Variants in RCAN1 observed in about 807,000 individuals in gnomAD.
RCAN1 encodes calcipressin-1.
A neutral mutation model predicts 22.9 loss-of-function variants in RCAN1; 11 were observed. The ratio of observed to expected loss-of-function variants is 0.48; its 90% confidence interval spans 0.30 to 0.79. The LOEUF is 0.79. Ranked by LOEUF, RCAN1 falls within the 30% of genes least tolerant of loss-of-function variation. The probability of loss-of-function intolerance (pLI) is 0.06; values close to 1 mark genes in which losing one functional copy is unlikely to be tolerated. For synonymous variants in RCAN1, 136 were observed against 142.3 expected (o/e 0.96, Z 0.32); for missense variants, 291 against 337.8 (o/e 0.86, Z 1.09).
At chr21:34,543,302 T>C (rs1985998790) in intron 1 of RCAN1, among the ~76,000 whole-genome samples, 1 of 152,120 alleles carries the variant, frequency 6.6e-6, no homozygotes, top group Non-Finnish European at 1.5e-5. Context: ...CCCAGTGTAA[T>C]CAAGGTGTCT....
At chr21:34,527,050 A>G in intron 1 of RCAN1, 1 of 1,030,412 alleles carries the variant, frequency 9.7e-7, no homozygotes, top group South Asian at 2.7e-5. Context: ...CTTGGGGAGA[A>G]TGGAAAAAAC....
intron 1 of RCAN1, among the ~76,000 whole-genome samples, chr21:34,543,335 C>G (rs9636876): frequency 6.6e-6 from 1 of 151,950 alleles, no homozygotes; most frequent in Non-Finnish European, 1.5e-5. Flanking sequence ...TATGGCAGGG[C>G]TGGAGTCGGA....
rs1315947258 is a variant in RCAN1, at chr21:34,518,752, T to C, written c.587-496A>G. On this transcript the variant is annotated intron_variant, in intron 3 of 3. Coordinates refer to ENST00000313806, the MANE Select transcript of RCAN1 (RefSeq NM_004414.7). This position sits in a 1 kb window ranked among gnomAD's most constrained non-coding sequence, Gnocchi z 4.2. ...GCCCTGCAGCAGACGCAGGGGTGGC[T>C]GCACGGAGCCAGGTGCTCTGGAAAC... 6.6e-6 allele frequency among the ~76,000 whole-genome samples: 1 copy of C among 152,228 alleles called. No individual in the cohort carries two copies. Among genetic ancestry groups the C allele is most frequent in the Non-Finnish European group, 1.5e-5 (1 of 68,038 alleles).
intron 1 of RCAN1, among the ~76,000 whole-genome samples, chr21:34,604,588 G>A (rs1272313556): frequency 6.6e-6 from 1 of 152,258 alleles, no homozygotes; most frequent in Non-Finnish European, 1.5e-5. Context: ...GTGTAAGCCA[G>A]AGAAGCTGTG....
chr21:34,546,668 G>A (rs952198133), intron 1 of RCAN1, among the ~76,000 whole-genome samples: 4 of 152,180 alleles, frequency 2.6e-5, no homozygotes, highest in African/African-American at 9.7e-5. Flanking sequence ...CCAACTCAGA[G>A]GGTAGAAGTC....
rs151259978 is a variant in RCAN1, at chr21:34,527,786, G to A, written c.253-4076C>T. Among the ~76,000 whole-genome samples, 306 of 150,654 alleles carry A rather than the reference G, an allele frequency of 2.0e-3. 4 individuals carry two copies. Among genetic ancestry groups the A allele is most frequent in the East Asian group, 8.0e-3 (41 of 5,116 alleles). ...TATAAATAACTCCCACATGCTTAGC[G>A]TTCCAATAATGGAACACTAGGCATA... is the stretch of plus-strand genomic sequence containing the variant. On this transcript the variant is annotated intron_variant, in intron 1 of 3. Coordinates refer to ENST00000313806, the MANE Select transcript of RCAN1 (RefSeq NM_004414.7).
At chr21:34,522,327 G>A (rs772528605) in intron 2 of RCAN1, 2 of 152,206 alleles carry the variant, frequency 1.3e-5, no homozygotes, top group South Asian at 2.1e-4. Context: ...CTCAAGCTGC[G>A]CGGTGTAGGT....
At chr21:34,568,551 A>C (rs573620144) in intron 1 of RCAN1, among the ~76,000 whole-genome samples, 1 of 152,356 alleles carries the variant, frequency 6.6e-6, no homozygotes, top group South Asian at 2.1e-4. Context: ...TGTTTACAGC[A>C]GAATGAGCTC....
chr21:34,533,229 G>A (rs1005103471), intron 1 of RCAN1, among the ~76,000 whole-genome samples: 1 of 152,086 alleles, frequency 6.6e-6, no homozygotes, highest in Admixed American at 6.5e-5. Context: ...CAAAGTGCTG[G>A]GATTACAGGC....
chr21:34,572,914 A>G lies in RCAN1; in HGVS notation c.252+41846T>C, dbSNP rs1568916813. On this transcript the variant is annotated intron_variant, in intron 1 of 3. Coordinates refer to ENST00000313806, the MANE Select transcript of RCAN1 (RefSeq NM_004414.7). ...AAACAACCAGATCTCAAAAGAACTC[A>G]TTATCACAAGAATAGCAAGGGGGGA... Among the ~76,000 whole-genome samples the G allele has an allele frequency of 3.3e-5, 5 of 152,296 alleles. No homozygotes were observed. In the East Asian group the frequency reaches 9.6e-4, roughly 29 times the overall value.
intron 1 of RCAN1, among the ~76,000 whole-genome samples, chr21:34,528,081 A>G (rs954443440): frequency 1.3e-5 from 2 of 152,188 alleles, no homozygotes; most frequent in Admixed American, 6.5e-5. Context: ...CAATTTTATT[A>G]TCACCTAAAA....
intron 1 of RCAN1, among the ~76,000 whole-genome samples, chr21:34,566,668 C>T (rs1344754993): frequency 1.3e-5 from 2 of 152,116 alleles, no homozygotes; most frequent in East Asian, 3.9e-4. Context: ...TCAGGGAATA[C>T]CTGAGACTGT....
At chr21:34,536,223 G>A (rs977976053) in intron 1 of RCAN1, among the ~76,000 whole-genome samples, 5 of 152,172 alleles carry the variant, frequency 3.3e-5, no homozygotes, top group African/African-American at 1.2e-4. Context: ...GAGGATTAGG[G>A]GAGGCAACAT....
intron 1 of RCAN1, among the ~76,000 whole-genome samples, chr21:34,570,631 T>C (rs1037625412): frequency 1.8e-4 from 27 of 150,804 alleles, no homozygotes; most frequent in Non-Finnish European, 8.8e-5. Context: ...CTTGTGATGA[T>C]AGTGGACTCT....
rs146914489 is a variant in RCAN1, at chr21:34,555,579, A to T, written c.253-31869T>A. Among the ~76,000 whole-genome samples the T allele has an allele frequency of 2.5e-3, 371 of 150,804 alleles. 2 individuals carry two copies. Among genetic ancestry groups the T allele is most frequent in the African/African-American group, 7.4e-3 (304 of 41,068 alleles). ...AGAGCAAGGCTGTGTCTCAAAAAAA[A>T]AAATAAATAAAATAATAATAATAAT... On this transcript the variant is annotated intron_variant, in intron 1 of 3. Coordinates refer to ENST00000313806, the MANE Select transcript of RCAN1 (RefSeq NM_004414.7).
chr21:34,607,085 G>A (rs1988548790), intron 1 of RCAN1, among the ~76,000 whole-genome samples: 1 of 152,142 alleles, frequency 6.6e-6, no homozygotes. Context: ...ATTGCACATG[G>A]GAATTTCATG....
At chr21:34,572,637 T>C (rs1053318874) in intron 1 of RCAN1, among the ~76,000 whole-genome samples, 9 of 152,152 alleles carry the variant, frequency 5.9e-5, no homozygotes, top group African/African-American at 2.2e-4. Flanking sequence ...CTCAACATTC[T>C]AAAGTCCATG....
Position 34,614,777 on chromosome 21 carries a change from C to T in RCAN1, c.235G>A (p.Val79Met). The T allele has an allele frequency of 1.4e-6, 2 of 1,462,886 alleles. No homozygotes were observed. Among genetic ancestry groups the T allele is most frequent in the Non-Finnish European group, 1.8e-6 (2 of 1,103,866 alleles). 90.6% of individuals were successfully genotyped at this position (1,462,886 alleles called of 1,614,324 possible). ...GTCCTCACCCGGCACAGGCCGTCCA[C>T]GAACACGCGCGGGTCCAGGTGACAG... Reference protein sequence around the residue: ...IACHLDPRVFVDGLCRAKFES... With the variant: ...IACHLDPRVFMDGLCRAKFES... Residue 79 changes from valine (V) to methionine (M), a missense_variant, in exon 1 of 4, where the codon GTG (valine) becomes ATG (methionine). By Grantham distance (21) the Val-to-Met change is conservative. Coordinates refer to ENST00000313806, the MANE Select transcript of RCAN1 (RefSeq NM_004414.7). The surrounding 1 kb of genome is among the most constrained non-coding windows in gnomAD (Gnocchi z 6.0).
chr21:34,609,226 A>G (rs147758433), intron 1 of RCAN1, among the ~76,000 whole-genome samples: 1 of 152,302 alleles, frequency 6.6e-6, no homozygotes, highest in African/African-American at 2.4e-5. Flanking sequence ...ATGCTCAGAG[A>G]TCATGGCAGA....
Sources: allele counts gnomAD v4.1 joint callset (sites outside exome capture counted in the v4.1 genomes callset), GRCh38; gene constraint gnomAD v4.1.1; non-coding constraint Gnocchi (gnomAD v3.1); transcripts MANE v1.5; gene names NCBI Gene and HGNC (gene_info 2026-07-23, HGNC 2026-07-21).